Variants in NT5DC1 observed in about 807,000 individuals in gnomAD.
NT5DC1 encodes the protein 5'-nucleotidase domain-containing protein 1.
In NT5DC1, 42 loss-of-function variants were observed where a neutral mutation model predicts 59.4. The observed-to-expected ratio is 0.71, with a 90% CI of 0.55 to 0.92. The LOEUF is 0.92. Ranked by LOEUF, NT5DC1 falls within the 40% of genes least tolerant of loss-of-function variation. The pLI is 0.00. For synonymous variants in NT5DC1, 172 were observed against 188.1 expected (o/e 0.91, Z 0.70); for missense variants, 501 against 537.1 (o/e 0.93, Z 0.66).
At chr6:116,182,568 T>G (rs2114476933) in intron 6 of NT5DC1, among the ~76,000 whole-genome samples, 1 of 152,080 alleles carries the variant, frequency 6.6e-6, no homozygotes, top group South Asian at 2.1e-4. Context: ...ATTTTTTGAT[T>G]ATGGCCATTG....
At chr6:116,144,687 G>A (rs923684667) in intron 6 of NT5DC1, among the ~76,000 whole-genome samples, 9 of 152,058 alleles carry the variant, frequency 5.9e-5, no homozygotes, top group Non-Finnish European at 1.2e-4. Flanking sequence ...CCAGACTTTG[G>A]GACAACTGTT....
intron 6 of NT5DC1, among the ~76,000 whole-genome samples, chr6:116,158,101 T>G (rs1780242289): frequency 6.6e-6 from 1 of 151,334 alleles, no homozygotes; most frequent in African/African-American, 2.5e-5. Context: ...CTACAAGAAC[T>G]TTCTAGTTTC....
Position 116,217,191 on chromosome 6 carries a change from A to G in NT5DC1, c.530-3863A>G, listed in dbSNP as rs1022942015. Among the ~76,000 whole-genome samples, 79 of 152,202 alleles carry G rather than the reference A, an allele frequency of 5.2e-4. 1 individual carries two copies. Among genetic ancestry groups the G allele is most frequent in the Non-Finnish European group, 2.1e-4 (14 of 68,024 alleles). On this transcript the variant is annotated intron_variant, in intron 6 of 11. Coordinates refer to ENST00000319550, the MANE Select transcript of NT5DC1 (RefSeq NM_152729.3). ...TCAGGTTGTACTATACTTTTTTACC[A>G]CGAGAGGTCCCTATATCCTGTTTGG...
chr6:116,245,216 G>A lies in NT5DC1; in HGVS notation c.*1192G>A, dbSNP rs996412908. The A allele has an allele frequency of 6.6e-6, 1 of 152,150 alleles. No homozygotes were observed. Among genetic ancestry groups the A allele is most frequent in the African/African-American group, 2.4e-5 (1 of 41,420 alleles). The allele number at this position is 152,150 out of a possible 1,614,324, so 9.4% of individuals were successfully genotyped here. A position where few individuals can be genotyped will look rare whatever the true frequency, so the allele number is the denominator to read the frequency against. On this transcript the variant is annotated 3_prime_UTR_variant, in exon 12 of 12. Transcript: ENST00000319550. ...TGTTGCAAGATACTTGAAGCCAAAT[G>A]TTTGCAGTATAGGTTCCTGGCTACT...
intron 6 of NT5DC1, among the ~76,000 whole-genome samples, chr6:116,209,691 G>T (rs930192388): frequency 6.6e-6 from 1 of 151,654 alleles, no homozygotes; most frequent in African/African-American, 2.4e-5. Flanking sequence ...CGTTTATTTG[G>T]GGTTTTTTTT....
intron 9 of NT5DC1, 144 bp downstream of exon 9, chr6:116,237,228 G>T: frequency 1.5e-6 from 1 of 650,156 alleles, no homozygotes. Context: ...GTGATAGAGA[G>T]GAGCAAGGAT....
At chr6:116,172,377 A>G (rs930385309) in intron 6 of NT5DC1, among the ~76,000 whole-genome samples, 38 of 134,384 alleles carry the variant, frequency 2.8e-4, no homozygotes, top group Non-Finnish European at 5.0e-4. Flanking sequence ...GCTGGAGTGC[A>G]GTGCCACAAT....
intron 6 of NT5DC1, among the ~76,000 whole-genome samples, chr6:116,192,254 T>C (rs764135168): frequency 1.3e-5 from 2 of 152,020 alleles, no homozygotes; most frequent in Non-Finnish European, 2.9e-5. Flanking sequence ...ATGAGTGAGA[T>C]AATATATGTG....
At chr6:116,130,341 G>A (rs1779428442) in intron 6 of NT5DC1, among the ~76,000 whole-genome samples, 1 of 152,022 alleles carries the variant, frequency 6.6e-6, no homozygotes. Context: ...TTCAGTCCGT[G>A]GCACTTATTA....
chr6:116,153,959 A>T (rs1582839056), intron 6 of NT5DC1, among the ~76,000 whole-genome samples: 1 of 151,682 alleles, frequency 6.6e-6, no homozygotes, highest in South Asian at 2.1e-4. Flanking sequence ...AGCTGTATGT[A>T]TTGCATTTGG....
At chr6:116,151,212 A>G (rs936662404) in intron 6 of NT5DC1, among the ~76,000 whole-genome samples, 2 of 152,116 alleles carry the variant, frequency 1.3e-5, no homozygotes, top group Non-Finnish European at 2.9e-5. Flanking sequence ...TCACTTATAA[A>G]ATCCCATCTT....
intron 6 of NT5DC1, among the ~76,000 whole-genome samples, chr6:116,160,289 C>G (rs1780297558): frequency 6.6e-6 from 1 of 151,996 alleles, no homozygotes; most frequent in South Asian, 2.1e-4. Context: ...TATCTATTGG[C>G]TTTTTTCATA....
chr6:116,104,853 A>G (rs1033153332), intron 1 of NT5DC1, among the ~76,000 whole-genome samples: 3 of 151,914 alleles, frequency 2.0e-5, no homozygotes, highest in African/African-American at 7.3e-5. Flanking sequence ...TTTCCTTTTA[A>G]TGATTGAATA....
In NT5DC1 at chr6:116,117,754, A is replaced by G. The variant is rs1778995122; in HGVS notation, c.445-107A>G. 1.7e-5 allele frequency: 11 copies of G among 640,058 alleles called. No individual in the cohort carries two copies. The South Asian group carries it at 2.2e-4, about 13-fold the overall frequency. 39.6% of individuals were successfully genotyped at this position (640,058 alleles called of 1,614,324 possible). ...ATAAAATAAAAAAATTGTAAGTCTAACCATCTTAAGTCAGGGACTGTCTGC... is the reference window on the plus strand; with the variant it reads ...ATAAAATAAAAAAATTGTAAGTCTAGCCATCTTAAGTCAGGGACTGTCTGC... On this transcript the variant is annotated intron_variant, in intron 5 of 11. Transcript: ENST00000319550.
chr6:116,157,230 A>T (rs1380543489), intron 6 of NT5DC1, among the ~76,000 whole-genome samples: 1 of 152,138 alleles, frequency 6.6e-6, no homozygotes, highest in Non-Finnish European at 1.5e-5. Context: ...AAAAATGAGG[A>T]TTCCCCCCCA....
chr6:116,243,013 T>C (rs988433514), intron 11 of NT5DC1, among the ~76,000 whole-genome samples: 1 of 152,206 alleles, frequency 6.6e-6, no homozygotes, highest in African/African-American at 2.4e-5. Flanking sequence ...TTCCCAAGAA[T>C]TGTGCCTCAA....
chr6:116,130,622 A>G (rs765569178), intron 6 of NT5DC1, among the ~76,000 whole-genome samples: 1 of 152,056 alleles, frequency 6.6e-6, no homozygotes, highest in Non-Finnish European at 1.5e-5. Flanking sequence ...TGGTCATTCT[A>G]TCTAGTGAAC....
chr6:116,128,209 A>G (rs1010311015), intron 6 of NT5DC1, among the ~76,000 whole-genome samples: 1 of 152,102 alleles, frequency 6.6e-6, no homozygotes, highest in Admixed American at 6.5e-5. Context: ...TAAGCCTTGG[A>G]CATTCAACCC....
intron 11 of NT5DC1, among the ~76,000 whole-genome samples, chr6:116,239,357 A>G (rs569502542): frequency 3.4e-4 from 52 of 152,292 alleles, no homozygotes; most frequent in Non-Finnish European, 5.3e-4. Context: ...AAAATTAGGG[A>G]AAGAGTTACC....
Sources: allele counts gnomAD v4.1 joint callset (sites outside exome capture counted in the v4.1 genomes callset), GRCh38; gene constraint gnomAD v4.1.1; transcripts MANE v1.5; gene names NCBI Gene and HGNC (gene_info 2026-07-23, HGNC 2026-07-21).